PARG: variants seen among roughly 807,000 people sequenced by gnomAD.
PARG encodes poly(ADP-ribose) glycohydrolase.
PARG carries 35 observed loss-of-function variants against 113.0 expected under a neutral mutation model. The ratio of observed to expected loss-of-function variants is 0.31; its 90% CI spans 0.24 to 0.41. The LOEUF (loss-of-function observed/expected upper bound fraction) is 0.41, where lower values mean the gene tolerates loss of function less well. PARG is among the 10% of genes least tolerant of loss of function. PARG has a pLI of 1.00. For missense variants in PARG, 797 were observed against 1,169.4 expected (o/e 0.68, Z 4.64); for synonymous variants, 330 against 409.9 (o/e 0.81, Z 2.36).
chr10:49,830,188 T>A (rs1554830085), intron 16 of PARG, among the ~76,000 whole-genome samples: 1 of 152,244 alleles, frequency 6.6e-6, no homozygotes, highest in Non-Finnish European at 1.5e-5. Flanking sequence ...AACACATTTA[T>A]AAAGCTTTCC....
chr10:49,899,257 T>C (rs1848242302), intron 7 of PARG, among the ~76,000 whole-genome samples: 1 of 152,310 alleles, frequency 6.6e-6, no homozygotes, highest in East Asian at 1.9e-4. Flanking sequence ...ATTTCAAAAA[T>C]TAAAAGTACA....
chr10:49,866,348 C>A (rs1428876708), intron 10 of PARG, among the ~76,000 whole-genome samples: 6 of 152,064 alleles, frequency 3.9e-5, no homozygotes, highest in Middle Eastern at 3.4e-3. Flanking sequence ...CATTCCTGTG[C>A]ACAATTCCAC....
At chr10:49,854,285 C>T (rs540356994) in intron 13 of PARG, among the ~76,000 whole-genome samples, 14 of 151,640 alleles carry the variant, frequency 9.2e-5, no homozygotes, top group African/African-American at 3.1e-4. Flanking sequence ...GAGGGCCCCG[C>T]TCAGAAGGCT....
chr10:49,935,683 G>A (rs1298956225), intron 1 of PARG, among the ~76,000 whole-genome samples: 151 of 152,122 alleles, frequency 9.9e-4, no homozygotes, highest in Non-Finnish European at 1.1e-3. Flanking sequence ...GGGCATAATC[G>A]GTAAGATTTC....
intron 7 of PARG, among the ~76,000 whole-genome samples, chr10:49,912,203 G>C (rs1554846420): frequency 6.6e-6 from 1 of 152,080 alleles, no homozygotes; most frequent in East Asian, 1.9e-4. Flanking sequence ...AGGAGGCTGA[G>C]GCACAAGAAT....
At chr10:49,924,623 C>T (rs1218812356) in intron 4 of PARG, among the ~76,000 whole-genome samples, 12 of 150,118 alleles carry the variant, frequency 8.0e-5, no homozygotes, top group African/African-American at 1.5e-4. Flanking sequence ...ATGATGGGAA[C>T]GGGTGGTTGG....
intron 7 of PARG, among the ~76,000 whole-genome samples, chr10:49,911,851 C>T (rs1554846336): frequency 6.6e-6 from 1 of 152,138 alleles, no homozygotes; most frequent in East Asian, 1.9e-4. Context: ...CCTTTACTTA[C>T]AGAATTAATC....
chr10:49,902,837 T>C (rs1317781259), intron 7 of PARG, among the ~76,000 whole-genome samples: 15 of 148,450 alleles, frequency 1.0e-4, no homozygotes, highest in Non-Finnish European at 1.8e-4. Context: ...CAAAAAAAAT[T>C]TTTTTTTTTT....
At chr10:49,880,480 T>C (rs1238718149) in intron 8 of PARG, among the ~76,000 whole-genome samples, 4 of 152,200 alleles carry the variant, frequency 2.6e-5, no homozygotes, top group East Asian at 1.9e-4. Context: ...CTTCAAATCT[T>C]TTATGTCTAA....
chr10:49,902,550 T>A (rs114848741), intron 7 of PARG, among the ~76,000 whole-genome samples: 1 of 152,268 alleles, frequency 6.6e-6, no homozygotes, highest in South Asian at 2.1e-4. Context: ...TTCTAGTCAT[T>A]TATTGCTACT....
intron 9 of PARG, among the ~76,000 whole-genome samples, chr10:49,873,445 C>G (rs1306038006): frequency 6.6e-6 from 1 of 151,178 alleles, no homozygotes; most frequent in Non-Finnish European, 1.5e-5. Context: ...CCGGAGCACT[C>G]AGAGCATTTT....
intron 6 of PARG, among the ~76,000 whole-genome samples, chr10:49,917,447 C>T (rs1837546564): frequency 6.7e-6 from 1 of 149,136 alleles, no homozygotes; most frequent in Non-Finnish European, 1.5e-5. Flanking sequence ...CGAGGTCGTG[C>T]CACTGCACTC....
chr10:49,846,341 G>A (rs1397427835), intron 13 of PARG, among the ~76,000 whole-genome samples: 1 of 150,732 alleles, frequency 6.6e-6, no homozygotes, highest in African/African-American at 2.4e-5. Context: ...ACCAGAAAAA[G>A]GCTCAAGGGA....
At chr10:49,903,353 C>G (rs1848430098) in intron 7 of PARG, among the ~76,000 whole-genome samples, 1 of 152,128 alleles carries the variant, frequency 6.6e-6, no homozygotes, top group African/African-American at 2.4e-5. Flanking sequence ...TACCAATCAC[C>G]AGTTGCAAAT....
At chr10:49,910,242 C>T (rs1184774133) in intron 7 of PARG, among the ~76,000 whole-genome samples, 5 of 151,948 alleles carry the variant, frequency 3.3e-5, no homozygotes, top group African/African-American at 9.7e-5. Flanking sequence ...TAGGAGAATG[C>T]GTAGTCGATA....
At chr10:49,931,972 T>G (rs1838509251) in intron 4 of PARG, 128 bp downstream of exon 4, 1 of 646,602 alleles carries the variant, frequency 1.5e-6, no homozygotes, top group African/African-American at 1.8e-5. Context: ...TCTGTAGAAT[T>G]CTCAGTATTT....
intron 7 of PARG, 71 bp downstream of exon 7, chr10:49,915,846 T>C (rs1837441818): frequency 1.3e-6 from 1 of 771,740 alleles, no homozygotes; most frequent in Non-Finnish European, 2.2e-6. Flanking sequence ...GGCAGAATTA[T>C]GGGTATTCTT....
At chr10:49,924,847 G>C (rs1201791179) in intron 4 of PARG, among the ~76,000 whole-genome samples, 2 of 152,164 alleles carry the variant, frequency 1.3e-5, no homozygotes, top group African/African-American at 4.8e-5. Context: ...ACTGTGTCTT[G>C]TGGGTAAAAT....
intron 16 of PARG, among the ~76,000 whole-genome samples, chr10:49,821,393 T>A (rs1198710776): frequency 2.0e-5 from 3 of 152,146 alleles, no homozygotes; most frequent in East Asian, 1.9e-4. Context: ...ATATATATAT[T>A]TTTTGAGATG....
Sources: gnomAD v4.1 joint callset for allele counts (sites outside exome capture counted in the v4.1 genomes callset) on GRCh38, gnomAD v4.1.1 for gene constraint, MANE v1.5 for transcripts, NCBI Gene and HGNC (gene_info 2026-07-23, HGNC 2026-07-21) for gene names.